IRF3: variants seen among roughly 807,000 people sequenced by gnomAD.
IRF3 encodes the protein interferon regulatory factor 3.
Under a neutral mutation model 43.2 loss-of-function variants are expected in IRF3, and 29 were observed. That is an observed-to-expected ratio of 0.67 (90% CI 0.50 to 0.91). The LOEUF (loss-of-function observed/expected upper bound fraction) is 0.91. Among genes scored for constraint, IRF3 ranks in the 40% least tolerant of loss-of-function variants. The pLI, the probability that IRF3 is intolerant of heterozygous loss-of-function variation, is 0.00. For synonymous variants in IRF3, 228 were observed against 233.9 expected (o/e 0.97, Z 0.23); for missense variants, 505 against 559.1 (o/e 0.90, Z 0.98).
At chr19:49,665,017 G>T (rs1164934951) in intron 1 of IRF3, 171 bp from the exon 2 acceptor site, 4 of 684,858 alleles carry the variant, frequency 5.8e-6, no homozygotes, top group Non-Finnish European at 9.5e-6. Flanking sequence ...CCTCCCGAGA[G>T]GCTCTCTAAT....
intron 5 of IRF3, 47 bp downstream of exon 5, chr19:49,662,378 G>A: frequency 4.4e-6 from 7 of 1,602,518 alleles, no homozygotes; most frequent in African/African-American, 1.3e-5. Context: ...GAGAATCAGG[G>A]GCTGCCGCCC....
intron 7 of IRF3, 86 bp downstream of exon 7, chr19:49,660,627 C>T (rs1006583990): frequency 2.6e-5 from 35 of 1,360,106 alleles, no homozygotes; most frequent in Non-Finnish European, 3.2e-5. Flanking sequence ...TTTAGAGGGC[C>T]CTCTGGGAGT....
chr19:49,659,952 C>G, intron 7 of IRF3, 119 bp from the exon 8 acceptor site: 1 of 993,882 alleles, frequency 1.0e-6, no homozygotes, highest in South Asian at 1.7e-5. Context: ...TAGGATGAAC[C>G]ATAGGCCTAG....
At position 49,662,557 on chromosome 19, in the gene IRF3, G is replaced by T. The variant is rs1479197190; in HGVS notation, c.469C>A (p.Pro157Thr). ...MVLAPLPDPG[P>T]PSLAVAPEPC... ...TCAGGGGCTACAGCCAGGCTTGGGG[G>T]TCCCGGATCTGGGAGTGGGGCCAAC... Residue 157 changes from proline (P) to threonine (T), a missense_variant, in exon 5 of 8, where the codon CCC becomes ACC. Coordinates refer to ENST00000377139, the MANE Select transcript of IRF3 (RefSeq NM_001571.6). The T allele has an allele frequency of 6.5e-7, 1 of 1,529,424 alleles. No individual in the cohort carries two copies. The highest frequency in any genetic ancestry group is 1.4e-5 in the African/African-American group (1 of 71,202). The allele number at this position is 1,529,424 out of a possible 1,614,324, so 94.7% of individuals were successfully genotyped here.
Position 49,664,689 on chromosome 19 carries a change from A to G in IRF3, c.150T>C (p.Asp50=), listed in dbSNP as rs1466525731. Residue 50 remains aspartate, a synonymous_variant, in exon 2 of 8, where the codon GAT becomes GAC. Coordinates refer to ENST00000377139, the MANE Select transcript of IRF3 (RefSeq NM_001571.6). ...TCGCACGCACCTGGAAGATTCCGAAATCCTCCTGCTGTGCATCCTGCCGTA... is the reference window on the plus strand; with the variant it reads ...TCGCACGCACCTGGAAGATTCCGAAGTCCTCCTGCTGTGCATCCTGCCGTA... ...HGLRQDAQQE[D]FGIFQAWAEA... The G allele has an allele frequency of 6.2e-7, 1 of 1,613,482 alleles. No homozygotes were observed. The highest frequency in any genetic ancestry group is 2.2e-5 in the East Asian group (1 of 44,862).
chr19:49,665,714 G>A lies in IRF3; in HGVS notation c.-92C>T, dbSNP rs746495940. 3.5e-5 allele frequency: 49 copies of A among 1,414,056 alleles called. No homozygotes were observed. The highest frequency in any genetic ancestry group is 3.9e-5 in the Non-Finnish European group (41 of 1,055,188). The allele number at this position is 1,414,056 out of a possible 1,614,324, so 87.6% of individuals were successfully genotyped here. ...GGGTAGCTCTCAAACTCGAGGCTGCGCACCCCCTTTCCCGTCAGCTGAGCT... is the reference window on the plus strand; with the variant it reads ...GGGTAGCTCTCAAACTCGAGGCTGCACACCCCCTTTCCCGTCAGCTGAGCT... On this transcript the variant is annotated 5_prime_UTR_variant, in exon 1 of 8. Transcript: ENST00000377139.
In IRF3 at chr19:49,665,720, C is replaced by A; in HGVS notation, c.-98G>T. On this transcript the variant is annotated 5_prime_UTR_variant, in exon 1 of 8. Transcript: ENST00000377139. ...CTCTCAAACTCGAGGCTGCGCACCC[C>A]CTTTCCCGTCAGCTGAGCTCTAGAG... 1 of 1,446,914 alleles carries A rather than the reference C, an allele frequency of 6.9e-7. No homozygotes were observed. The highest frequency in any genetic ancestry group is 9.2e-7 in the Non-Finnish European group (1 of 1,081,092). The allele number at this position is 1,446,914 out of a possible 1,614,324, so 89.6% of individuals were successfully genotyped here. A position where few individuals can be genotyped will look rare whatever the true frequency, so the allele number is the denominator to read the frequency against.
chr19:49,661,596 TTC>T (rs2081331856), intron 6 of IRF3: 3 of 172,692 alleles, frequency 1.7e-5, no homozygotes, highest in Admixed American at 1.2e-4. Flanking sequence ...TTTTTTGTTG[TTC>T]GAGATGGAGT....
chr19:49,664,925 CCTT>C (rs1247263644), intron 1 of IRF3, 79 bp from the exon 2 acceptor site: 12 of 1,436,628 alleles, frequency 8.4e-6, no homozygotes, highest in African/African-American at 2.8e-5. Context: ...ACCCAGACCT[CCTT>C]CTCACGGGCC....
Position 49,665,648 on chromosome 19 carries a change from G to C in IRF3, c.-26C>G. The C allele has an allele frequency of 2.6e-6, 2 of 774,424 alleles. No individual in the cohort carries two copies. The highest frequency in any genetic ancestry group is 4.0e-6 in the Non-Finnish European group (2 of 495,688). 48.0% of individuals were successfully genotyped at this position (774,424 alleles called of 1,614,324 possible). On this transcript the variant is annotated 5_prime_UTR_variant, in exon 1 of 8. Coordinates refer to ENST00000377139, the MANE Select transcript of IRF3 (RefSeq NM_001571.6). ...CGCGTTACCTACGATGGAAGGTCGG[G>C]GCGTGCGGGCAGCTGGAACCCACCC...
chr19:49,663,463 G>A lies in IRF3; in HGVS notation c.217C>T (p.Leu73=). 1 of 1,614,238 alleles carries A rather than the reference G, an allele frequency of 6.2e-7. No individual in the cohort carries two copies. Among genetic ancestry groups the A allele is most frequent in the Non-Finnish European group, 8.5e-7 (1 of 1,180,052 alleles). Residue 73 remains leucine (L), a synonymous_variant, in exon 3 of 8, where the codon CTG becomes TTG. Transcript: ENST00000377139. ...CGGAAATTCCTCTTCCAGGTTGGCA[G>A]GTCTGGCTTATCCCTCCCGGGAACA... is the stretch of plus-strand genomic sequence containing the variant. ...AYVPGRDKPD[L]PTWKRNFRSA...
chr19:49,664,190 G>C (rs149284720), intron 2 of IRF3, among the ~76,000 whole-genome samples: 3 of 152,258 alleles, frequency 2.0e-5, no homozygotes, highest in East Asian at 3.9e-4. Context: ...TTCTAAGCCA[G>C]GCTTCCAAGT....
In IRF3 at chr19:49,660,980, T is replaced by TTCCC. The variant is rs1233638412; in HGVS notation, c.983-156_983-153dup. The TTCCC allele has an allele frequency of 4.0e-5, 33 of 834,456 alleles. 1 individual carries two copies. Among genetic ancestry groups the TTCCC allele is most frequent in the Admixed American group, 3.8e-4 (13 of 34,294 alleles). The allele number at this position is 834,456 out of a possible 1,614,324, so 51.7% of individuals were successfully genotyped here. A position where few individuals can be genotyped will look rare whatever the true frequency, so the allele number is the denominator to read the frequency against. On this transcript the variant is annotated intron_variant, in intron 6 of 7. Coordinates refer to ENST00000377139, the MANE Select transcript of IRF3 (RefSeq NM_001571.6). ...TGCTTGTTTGGGGAAAGTCCCCTCC[T>TTCCC]TCCCTCCCTCCCTCCCTCCCATCAG... is the stretch of plus-strand genomic sequence containing the variant.
chr19:49,660,696 C>T lies in IRF3; in HGVS notation c.1098+17G>A, dbSNP rs956528534. The T allele has an allele frequency of 1.9e-6, 3 of 1,569,388 alleles. No individual in the cohort carries two copies. In the African/African-American group the frequency reaches 4.1e-5, roughly 21 times the overall value. On this transcript the variant is annotated intron_variant, in intron 7 of 7. Coordinates refer to ENST00000377139, the MANE Select transcript of IRF3 (RefSeq NM_001571.6). ...AGGCCACCCCTTTCAGCCCCAGGGA[C>T]TCAGGTCTGCAGGCACCTTGACCAT...
At chr19:49,665,119 T>A (rs913061137) in intron 1 of IRF3, 3 of 403,060 alleles carry the variant, frequency 7.4e-6, no homozygotes, top group Non-Finnish European at 1.4e-5. Flanking sequence ...AGTATAGACC[T>A]CCTCCCTCCC....
chr19:49,662,387 C>A (rs140300735), intron 5 of IRF3, 38 bp downstream of exon 5: 3 of 1,598,328 alleles, frequency 1.9e-6, no homozygotes, highest in South Asian at 1.1e-5. Context: ...GGGCTGCCGC[C>A]CAGACCTCAG....
rs1251962855 is a variant in IRF3 at position 49,665,667 on chromosome 19, C to A, written c.-45G>T. 6.1e-6 allele frequency: 6 copies of A among 987,226 alleles called. No homozygotes were observed. The Admixed American group carries it at 1.6e-4, about 27-fold the overall frequency. 61.2% of individuals were successfully genotyped at this position (987,226 alleles called of 1,614,324 possible). A position where few individuals can be genotyped will look rare whatever the true frequency, so the allele number is the denominator to read the frequency against. ...GGTCGGGGCGTGCGGGCAGCTGGAA[C>A]CCACCCCTGTCTTGGAGCTCCGGGT... is the stretch of plus-strand genomic sequence containing the variant. On this transcript the variant is annotated 5_prime_UTR_variant, in exon 1 of 8. Coordinates refer to ENST00000377139, the MANE Select transcript of IRF3 (RefSeq NM_001571.6).
At position 49,662,062 on chromosome 19, in the gene IRF3, G is replaced by A. The variant is rs1389511631; in HGVS notation, c.868C>T (p.His290Tyr). 3.1e-6 allele frequency: 5 copies of A among 1,613,912 alleles called. No individual in the cohort carries two copies. The highest frequency in any genetic ancestry group is 4.2e-6 in the Non-Finnish European group (5 of 1,179,882). ...WLWAQRLGHC[H>Y]TYWAVSEELL... Reference sequence around the variant, plus strand: ...TCCTCGCTCACTGCCCAGTATGTGTGGCAGTGCCCCAGCCGCTGGGCCCAG... The same window carrying A: ...TCCTCGCTCACTGCCCAGTATGTGTAGCAGTGCCCCAGCCGCTGGGCCCAG... The change falls in exon 6 of 8, where the codon CAC (histidine) becomes TAC (tyrosine). Residue 290 changes from histidine (H) to tyrosine (Y), a missense_variant. His to Tyr is a moderately conservative substitution (Grantham distance 83). Coordinates refer to ENST00000377139, the MANE Select transcript of IRF3 (RefSeq NM_001571.6).
In IRF3 at chr19:49,662,328, TCTGAGCAGCGG is replaced by T; in HGVS notation, c.602-11_602-1del. The T allele has an allele frequency of 3.1e-6, 5 of 1,613,258 alleles. No individual in the cohort carries two copies. The highest frequency in any genetic ancestry group is 4.2e-6 in the Non-Finnish European group (5 of 1,179,606). ...GAAGGCTGTCACCTCGAACTCCCAC[TCTGAGCAGCGG>T]CAGCAGCGGCATGAAGGGGAGAGGG... is the stretch of plus-strand genomic sequence containing the variant. On this transcript the variant is annotated splice_acceptor_variant and splice_polypyrimidine_tract_variant and intron_variant, in intron 5 of 7. Transcript: ENST00000377139. LOFTEE classifies it high-confidence loss of function.
Sources: allele counts gnomAD v4.1 joint callset (sites outside exome capture counted in the v4.1 genomes callset), GRCh38; gene constraint gnomAD v4.1.1; transcripts MANE v1.5; gene names NCBI Gene and HGNC (gene_info 2026-07-23, HGNC 2026-07-21).